The following OPA1 variants were observed in gnomAD, a reference collection of about 807,000 sequenced individuals.
The protein encoded by OPA1 is dynamin-like GTPase OPA1, mitochondrial.
A neutral mutation model predicts 152.9 loss-of-function variants in OPA1; 59 were observed. The observed-to-expected ratio is 0.39, with a 90% confidence interval of 0.31 to 0.48. The LOEUF is 0.48. Among genes scored for constraint, OPA1 ranks in the 20% least tolerant of loss-of-function variants. The pLI is 0.96. For missense variants in OPA1, 1,008 were observed against 1,216.8 expected (o/e 0.83, Z 2.55); for synonymous variants, 400 against 389.9 (o/e 1.03, Z -0.31).
At chr3:193,628,235 C>T (rs930685799) in intron 7 of OPA1, among the ~76,000 whole-genome samples, 1 of 151,882 alleles carries the variant, frequency 6.6e-6, no homozygotes, top group East Asian at 1.9e-4. Flanking sequence ...CTAAGTAGAT[C>T]ATCATTTTTG....
intron 5 of OPA1, among the ~76,000 whole-genome samples, chr3:193,618,196 C>T (rs1027087299): frequency 3.3e-5 from 5 of 151,880 alleles, no homozygotes; most frequent in East Asian, 1.9e-4. Context: ...ATTTGTTTTC[C>T]GGCCGGGCGC....
rs368081715 is a variant in OPA1 at position 193,676,584 on chromosome 3, C to T, written c.2983+9304C>T. Among the ~76,000 whole-genome samples, 34 of 152,306 alleles carry T rather than the reference C, an allele frequency of 2.2e-4. 1 individual carries two copies. In the East Asian group the frequency reaches 2.7e-3, roughly 12 times the overall value. On this transcript the variant is annotated intron_variant, in intron 29 of 30. Coordinates refer to ENST00000361510, the MANE Select transcript of OPA1 (RefSeq NM_130837.3). ...TTACACACAGAATTCCACATGACAA[C>T]GCCTGAGTGGTGTGGTTTCCAGGTT...
rs775804992 is a variant in OPA1, at chr3:193,621,382, G to A, written c.678+2446G>A. ...TCAGACAGAATAAACATGATGAACCGATAACCTGTGATTCCCAGCCTGGGG... is the reference window on the plus strand; with the variant it reads ...TCAGACAGAATAAACATGATGAACCAATAACCTGTGATTCCCAGCCTGGGG... On this transcript the variant is annotated intron_variant, in intron 6 of 30. Transcript: ENST00000361510. 1.1e-4 allele frequency among the ~76,000 whole-genome samples: 17 copies of A among 152,152 alleles called. 1 individual carries two copies. The highest frequency in any genetic ancestry group is 2.1e-4 in the Non-Finnish European group (14 of 68,030).
In OPA1 at chr3:193,596,511, A is replaced by G. The variant is rs559697486; in HGVS notation, c.32+3102A>G. On this transcript the variant is annotated intron_variant, in intron 1 of 30. Transcript: ENST00000361510. ...CACCTTGGCCTCCCAAAATGCCAGG[A>G]TTACAGGCGTGCGCCACTGCATTTG... 3.1e-3 allele frequency among the ~76,000 whole-genome samples: 471 copies of G among 151,634 alleles called. 2 individuals carry two copies. The highest frequency in any genetic ancestry group is 0.011 in the African/African-American group (450 of 41,280).
intron 29 of OPA1, chr3:193,669,066 AT>A (rs1475342804): frequency 5.5e-6 from 1 of 183,438 alleles, no homozygotes; most frequent in African/African-American, 2.4e-5. Flanking sequence ...AAAAGCAGAT[AT>A]CGTTAATAAA....
At chr3:193,618,791 G>T in intron 5 of OPA1, 78 bp from the exon 6 acceptor site, 1 of 1,137,236 alleles carries the variant, frequency 8.8e-7, no homozygotes, top group South Asian at 1.2e-5. Flanking sequence ...CCTTTTCATT[G>T]ACTCGATGTA....
intron 30 of OPA1, among the ~76,000 whole-genome samples, chr3:193,693,369 G>A (rs1000779540): frequency 4.6e-5 from 7 of 152,214 alleles, no homozygotes; most frequent in Admixed American, 4.6e-4. Flanking sequence ...GGCCAGTGCG[G>A]TGGCTCACTC....
At chr3:193,654,627 A>G (rs1345343905) in intron 21 of OPA1, among the ~76,000 whole-genome samples, 2 of 152,254 alleles carry the variant, frequency 1.3e-5, no homozygotes, top group Admixed American at 6.5e-5. Flanking sequence ...ATAAATTTCT[A>G]GAAAATACAA....
chr3:193,615,056 C>A lies in OPA1; in HGVS notation c.351+15C>A, dbSNP rs753363709. On this transcript the variant is annotated intron_variant, in intron 2 of 30. Transcript: ENST00000361510. ...CAGCCAAAAAGGTGAACTTGACATT[C>A]CTCCTGGTTTTCCAATTATTATATC... The A allele has an allele frequency of 6.3e-7, 1 of 1,593,156 alleles. No individual in the cohort carries two copies. Among genetic ancestry groups the A allele is most frequent in the Admixed American group, 1.7e-5 (1 of 59,996 alleles).
At position 193,695,597 on chromosome 3, in the gene OPA1, A is replaced by G. The variant is rs571460507; in HGVS notation, c.*997A>G. On this transcript the variant is annotated 3_prime_UTR_variant, in exon 31 of 31. Coordinates refer to ENST00000361510, the MANE Select transcript of OPA1 (RefSeq NM_130837.3). ...TAGTTCAATTTATTGCAATTTAATTACAATACTACCTTCACAACATTTTCA... is the reference window on the plus strand; with the variant it reads ...TAGTTCAATTTATTGCAATTTAATTGCAATACTACCTTCACAACATTTTCA... 1.3e-5 allele frequency: 2 copies of G among 152,370 alleles called. No homozygotes were observed. Among genetic ancestry groups the G allele is most frequent in the East Asian group, 3.9e-4 (2 of 5,184 alleles). The allele number at this position is 152,370 out of a possible 1,614,324, so 9.4% of individuals were successfully genotyped here.
intron 30 of OPA1, among the ~76,000 whole-genome samples, chr3:193,694,360 A>G (rs1474823273): frequency 6.6e-6 from 1 of 152,244 alleles, no homozygotes; most frequent in East Asian, 1.9e-4. Context: ...GAAGGTGTTT[A>G]TATGCTATAC....
intron 1 of OPA1, among the ~76,000 whole-genome samples, chr3:193,602,048 GA>G (rs918294485): frequency 5.3e-5 from 8 of 152,064 alleles, no homozygotes; most frequent in Admixed American, 4.6e-4. Flanking sequence ...AAGGATTAGG[GA>G]AAAAAATAAG....
chr3:193,691,981 A>G (rs1158380241), intron 29 of OPA1, 82 bp from the exon 30 acceptor site: 1 of 826,592 alleles, frequency 1.2e-6, no homozygotes, highest in African/African-American at 1.7e-5. Context: ...AGTTAAGTAT[A>G]CCAACCATTT....
At chr3:193,644,163 A>G (rs537683792) in intron 16 of OPA1, 58 bp downstream of exon 16, 6 of 1,590,056 alleles carry the variant, frequency 3.8e-6, no homozygotes, top group South Asian at 3.3e-5. Context: ...CAGCTGTGAT[A>G]GGGATTTGTT....
chr3:193,655,178 C>A, intron 22 of OPA1, 151 bp downstream of exon 22: 2 of 733,258 alleles, frequency 2.7e-6, no homozygotes, highest in Non-Finnish European at 4.4e-6. Flanking sequence ...TGTTTTGGGA[C>A]TAACCTTAAT....
chr3:193,653,107 G>A (rs1712929346), intron 21 of OPA1, among the ~76,000 whole-genome samples: 1 of 152,158 alleles, frequency 6.6e-6, no homozygotes, highest in Non-Finnish European at 1.5e-5. Flanking sequence ...GGCCCTGACA[G>A]GCTGCTTTTC....
chr3:193,602,439 C>G (rs960362700), intron 1 of OPA1, among the ~76,000 whole-genome samples: 2 of 152,096 alleles, frequency 1.3e-5, no homozygotes, highest in Non-Finnish European at 2.9e-5. Flanking sequence ...CTTCCTTTAC[C>G]TGGTGGAAGT....
At chr3:193,638,294 G>T (rs901722401) in intron 11 of OPA1, among the ~76,000 whole-genome samples, 1 of 152,170 alleles carries the variant, frequency 6.6e-6, no homozygotes, top group African/African-American at 2.4e-5. Context: ...CAGTTGGGAG[G>T]CCTTTGGATT....
At chr3:193,647,418 A>G (rs1734832852) in intron 19 of OPA1, among the ~76,000 whole-genome samples, 1 of 152,182 alleles carries the variant, frequency 6.6e-6, no homozygotes, top group Non-Finnish European at 1.5e-5. Context: ...ACAGATGAGA[A>G]CATTTGCTAG....
Sources: allele counts gnomAD v4.1 joint callset (sites outside exome capture counted in the v4.1 genomes callset), GRCh38; gene constraint gnomAD v4.1.1; transcripts MANE v1.5; gene names NCBI Gene and HGNC (gene_info 2026-07-23, HGNC 2026-07-21).